ST3GAL5: variants seen among roughly 807,000 people sequenced by gnomAD.
The protein encoded by ST3GAL5 is ST3 beta-galactoside alpha-2,3-sialyltransferase 5.
A neutral mutation model predicts 46.1 loss-of-function variants in ST3GAL5; 25 were observed. The observed-to-expected ratio is 0.54, with a 90% CI of 0.40 to 0.76. The LOEUF (loss-of-function observed/expected upper bound fraction) is 0.76, where lower values mean the gene tolerates loss of function less well. ST3GAL5 is among the 30% of genes least tolerant of loss of function. The pLI, the probability that ST3GAL5 is intolerant of heterozygous loss-of-function variation, is 0.00. For missense variants in ST3GAL5, 431 were observed against 521.2 expected (o/e 0.83, Z 1.69); for synonymous variants, 182 against 192.7 (o/e 0.94, Z 0.46).
At chr2:85,867,522 G>C (rs1004109153) in intron 1 of ST3GAL5, 12 of 775,394 alleles carry the variant, frequency 1.5e-5, no homozygotes, top group Non-Finnish European at 2.6e-5. Flanking sequence ...TGGTGGGCAG[G>C]CATATGCAAA....
chr2:85,870,061 G>A, intron 1 of ST3GAL5: 1 of 386,540 alleles, frequency 2.6e-6, no homozygotes. Context: ...CTACAGACAT[G>A]CCCTACTTAC....
chr2:85,876,879 G>A (rs1390223288), intron 1 of ST3GAL5, among the ~76,000 whole-genome samples: 1 of 152,198 alleles, frequency 6.6e-6, no homozygotes, highest in Admixed American at 6.5e-5. Flanking sequence ...GCCCTATGGT[G>A]GCTTCTGATG....
At chr2:85,857,285 C>T (rs1684239338) in intron 3 of ST3GAL5, among the ~76,000 whole-genome samples, 1 of 151,776 alleles carries the variant, frequency 6.6e-6, no homozygotes. Flanking sequence ...GCCTGTCATC[C>T]TAGCACTTTG....
rs928875900 is a variant in ST3GAL5, at chr2:85,882,678, A to G, written c.82+6146T>C. Reference sequence around the variant, plus strand: ...ACCCCATCTCTACTAAAAATACAAAAAAAAATTAGCCGGATGTGGTGGCAC... The same window carrying G: ...ACCCCATCTCTACTAAAAATACAAAGAAAAATTAGCCGGATGTGGTGGCAC... On this transcript the variant is annotated intron_variant, in intron 1 of 6. Coordinates refer to ENST00000638572, the MANE Select transcript of ST3GAL5 (RefSeq NM_003896.4). Among the ~76,000 whole-genome samples, 113 of 152,038 alleles carry G rather than the reference A, an allele frequency of 7.4e-4. 1 individual carries two copies. The highest frequency in any genetic ancestry group is 1.3e-3 in the Non-Finnish European group (89 of 67,982).
chr2:85,839,349 T>C lies in ST3GAL5; in HGVS notation c.*795A>G, dbSNP rs1681736010. 1 of 152,262 alleles carries C rather than the reference T, an allele frequency of 6.6e-6. No individual in the cohort carries two copies. Among genetic ancestry groups the C allele is most frequent in the African/African-American group, 2.4e-5 (1 of 41,440 alleles). The allele number at this position is 152,262 out of a possible 1,614,324, so 9.4% of individuals were successfully genotyped here. On this transcript the variant is annotated 3_prime_UTR_variant, in exon 7 of 7. Transcript: ENST00000638572. ...ATGACTCTGGATAATAGAAGTTTTG[T>C]TCTGATTTTTTAAGTCACCTCAGAC...
At position 85,888,881 on chromosome 2, in the gene ST3GAL5, C is replaced by A; in HGVS notation, c.25G>T (p.Ala9Ser). Residue 9 changes from alanine (A) to serine (S), a missense_variant, in exon 1 of 7, where the codon GCG (alanine) becomes TCG (serine). Ala to Ser is a moderately conservative substitution (Grantham distance 99). Transcript: ENST00000638572. Reference sequence around the variant, plus strand: ...CGCGGCTGCAGGGGACGCCGCTCCGCGCAGCCCGCCGCCTTCGTCCGCATA... The same window carrying A: ...CGCGGCTGCAGGGGACGCCGCTCCGAGCAGCCCGCCGCCTTCGTCCGCATA... The part of the protein sequence containing the change: MRTKAAGC[A>S]ERRPLQPRTE... 7.3e-7 allele frequency: 1 copy of A among 1,372,226 alleles called. No homozygotes were observed. The highest frequency in any genetic ancestry group is 9.5e-7 in the Non-Finnish European group (1 of 1,055,688). The allele number at this position is 1,372,226 out of a possible 1,614,324, so 85.0% of individuals were successfully genotyped here. A position where few individuals can be genotyped will look rare whatever the true frequency, so the allele number is the denominator to read the frequency against.
At chr2:85,873,873 A>G (rs1686225013) in intron 1 of ST3GAL5, among the ~76,000 whole-genome samples, 1 of 152,234 alleles carries the variant, frequency 6.6e-6, no homozygotes, top group East Asian at 1.9e-4. Flanking sequence ...CCCTGGTGGT[A>G]GGTCCAGGTG....
intron 3 of ST3GAL5, chr2:85,855,071 C>G (rs891902369): frequency 6.6e-6 from 1 of 152,234 alleles, no homozygotes; most frequent in Non-Finnish European, 1.5e-5. Flanking sequence ...GACCTTGGAC[C>G]CTGACCTCAC....
At chr2:85,852,918 C>G in intron 3 of ST3GAL5, 1 of 1,304,152 alleles carries the variant, frequency 7.7e-7, no homozygotes, top group Non-Finnish European at 1.0e-6. Flanking sequence ...AGAGAAAAGA[C>G]TCGGTTTGAA....
chr2:85,868,624 T>C (rs1685555120), intron 1 of ST3GAL5, among the ~76,000 whole-genome samples: 1 of 150,778 alleles, frequency 6.6e-6, no homozygotes, highest in Non-Finnish European at 1.5e-5. Flanking sequence ...AATTAAACTT[T>C]TTTTTTTTTT....
intron 6 of ST3GAL5, among the ~76,000 whole-genome samples, chr2:85,840,948 A>C (rs1410815598): frequency 2.0e-5 from 3 of 149,892 alleles, no homozygotes; most frequent in East Asian, 2.0e-4. Context: ...GTCTCAAAAA[A>C]AAAAAAAAAA....
chr2:85,878,251 T>C (rs1686785896), intron 1 of ST3GAL5, among the ~76,000 whole-genome samples: 1 of 152,198 alleles, frequency 6.6e-6, no homozygotes, highest in Non-Finnish European at 1.5e-5. Context: ...AAGTAGAAAT[T>C]TCAGAAAATA....
At chr2:85,864,119 C>T (rs1685029653) in intron 1 of ST3GAL5, among the ~76,000 whole-genome samples, 2 of 152,032 alleles carry the variant, frequency 1.3e-5, no homozygotes, top group African/African-American at 2.4e-5. Context: ...AAGGGCAACA[C>T]GAAGGACTCT....
chr2:85,847,934 C>G lies in ST3GAL5; in HGVS notation c.589G>C (p.Val197Leu). 2.5e-6 allele frequency: 4 copies of G among 1,614,180 alleles called. No individual in the cohort carries two copies. Among genetic ancestry groups the G allele is most frequent in the Non-Finnish European group, 3.4e-6 (4 of 1,180,026 alleles). ...LKAKTCRRCVVIGSGGILHGL... is the reference protein window; with the variant it reads ...LKAKTCRRCVLIGSGGILHGL... ...TGCAGTATTCCTCCGCTTCCAATAA[C>G]CACACAGCGCCGACAGGTCTTGGCT... The change falls in exon 4 of 7, where the codon GTT (valine) becomes CTT (leucine). Residue 197 changes from valine (V) to leucine (L), a missense_variant. Coordinates refer to ENST00000638572, the MANE Select transcript of ST3GAL5 (RefSeq NM_003896.4).
At chr2:85,879,069 A>C (rs1022944170) in intron 1 of ST3GAL5, among the ~76,000 whole-genome samples, 2 of 152,192 alleles carry the variant, frequency 1.3e-5, no homozygotes, top group Non-Finnish European at 1.5e-5. Flanking sequence ...TATGTTACAC[A>C]AAGGAGGATG....
chr2:85,859,699 T>A (rs1014458113), intron 3 of ST3GAL5, among the ~76,000 whole-genome samples: 2 of 152,126 alleles, frequency 1.3e-5, no homozygotes, highest in Non-Finnish European at 2.9e-5. Flanking sequence ...ACAAAAAAAA[T>A]TGGAGGCACT....
intron 1 of ST3GAL5, among the ~76,000 whole-genome samples, chr2:85,868,726 C>G (rs10175609): frequency 0.44 from 66,199 of 150,652 alleles, 14,886 homozygotes; most frequent in Admixed American, 0.54. Flanking sequence ...TCAAGCAATT[C>G]TCCTGCCTCA....
At chr2:85,867,166 C>T (rs964258215) in intron 1 of ST3GAL5, among the ~76,000 whole-genome samples, 1 of 152,156 alleles carries the variant, frequency 6.6e-6, no homozygotes, top group Admixed American at 6.5e-5. Flanking sequence ...AAATGTCCAA[C>T]AGCAGGAAAT....
At chr2:85,865,595 A>C (rs1481900244) in intron 1 of ST3GAL5, among the ~76,000 whole-genome samples, 1 of 152,246 alleles carries the variant, frequency 6.6e-6, no homozygotes, top group Non-Finnish European at 1.5e-5. Context: ...CTTCATGTAC[A>C]GTCAGCCAAG....
Sources: allele counts gnomAD v4.1 joint callset (sites outside exome capture counted in the v4.1 genomes callset), GRCh38; gene constraint gnomAD v4.1.1; transcripts MANE v1.5; gene names NCBI Gene and HGNC (gene_info 2026-07-23, HGNC 2026-07-21).